The following BBS9 variants were observed in gnomAD, a reference collection of about 807,000 sequenced individuals.
BBS9 encodes the protein protein PTHB1.
BBS9 carries 89 observed loss-of-function variants against 117.7 expected under a neutral mutation model. The ratio of observed to expected loss-of-function variants is 0.76; its 90% CI spans 0.64 to 0.90. BBS9 has a LOEUF of 0.90. Ranked by LOEUF, BBS9 falls within the 40% of genes least tolerant of loss-of-function variation. BBS9 has a pLI of 0.00. For synonymous variants in BBS9, 379 were observed against 370.9 expected, an observed-to-expected ratio of 1.02 and a Z score of -0.25; for missense variants, 982 against 1,042.2, an observed-to-expected ratio of 0.94 and a Z score of 0.80.
At chr7:33,378,362 T>C (rs1824294688) in intron 17 of BBS9, among the ~76,000 whole-genome samples, 1 of 152,218 alleles carries the variant, frequency 6.6e-6, no homozygotes, top group Non-Finnish European at 1.5e-5. Flanking sequence ...CCTTGAGTCT[T>C]ATTTAAACTA....
At chr7:33,332,699 CAACAACAACAAA>C (rs1814377127) in intron 9 of BBS9, among the ~76,000 whole-genome samples, 1 of 151,818 alleles carries the variant, frequency 6.6e-6, no homozygotes, top group Middle Eastern at 3.2e-3. Flanking sequence ...ACAACAACAA[CAACAACAACAAA>C]AACAAAAAAG....
intron 21 of BBS9, among the ~76,000 whole-genome samples, chr7:33,634,440 T>C (rs143541903): frequency 1.3e-5 from 2 of 152,336 alleles, no homozygotes; most frequent in Admixed American, 1.3e-4. Context: ...ATAATGCCTA[T>C]TCACGTGGTT....
intron 19 of BBS9, among the ~76,000 whole-genome samples, chr7:33,399,692 A>G (rs750344404): frequency 6.6e-5 from 10 of 152,198 alleles, no homozygotes; most frequent in Non-Finnish European, 1.5e-4. Context: ...GGGATCATCT[A>G]GTGCCAGCTC....
chr7:33,356,043 T>A (rs1819559318), intron 15 of BBS9, among the ~76,000 whole-genome samples: 1 of 151,868 alleles, frequency 6.6e-6, no homozygotes, highest in Admixed American at 6.6e-5. Context: ...TAGTTTCTTT[T>A]TGTGCCTGTA....
At chr7:33,570,820 C>T (rs1156683573) in intron 21 of BBS9, among the ~76,000 whole-genome samples, 1 of 152,170 alleles carries the variant, frequency 6.6e-6, no homozygotes, top group African/African-American at 2.4e-5. Context: ...TATGATGAAG[C>T]ACCAGACAAC....
At chr7:33,554,657 A>G (rs529299262) in intron 21 of BBS9, among the ~76,000 whole-genome samples, 55 of 152,100 alleles carry the variant, frequency 3.6e-4, no homozygotes, top group Non-Finnish European at 5.7e-4. Context: ...TCCATTTGAG[A>G]GGCCTAGTTG....
At chr7:33,426,689 T>A (rs918356289) in intron 19 of BBS9, among the ~76,000 whole-genome samples, 2 of 152,208 alleles carry the variant, frequency 1.3e-5, no homozygotes, top group East Asian at 1.9e-4. Flanking sequence ...CGGAGTTTTT[T>A]AAAAAACTAT....
chr7:33,594,116 G>A (rs1225092937), intron 21 of BBS9, among the ~76,000 whole-genome samples: 2 of 152,154 alleles, frequency 1.3e-5, no homozygotes, highest in Non-Finnish European at 1.5e-5. Flanking sequence ...AAGGGACTTA[G>A]TGTTCAGCCT....
intron 20 of BBS9, among the ~76,000 whole-genome samples, chr7:33,512,920 G>T (rs1217380029): frequency 6.6e-6 from 1 of 152,122 alleles, no homozygotes; most frequent in Non-Finnish European, 1.5e-5. Context: ...ATCCGAAGTA[G>T]CCTTTTTGCC....
At position 33,170,473 on chromosome 7, in the gene BBS9, A is replaced by G. The variant is rs1255439354; in HGVS notation, c.329-7005A>G. Among the ~76,000 whole-genome samples, 21 of 145,184 alleles carry G rather than the reference A, an allele frequency of 1.4e-4. No individual in the cohort carries two copies. In the East Asian group the frequency reaches 3.6e-3, roughly 25 times the overall value. On this transcript the variant is annotated intron_variant, in intron 4 of 22. Transcript: ENST00000242067. ...TATTTCAAAATAATAAGAGCTATCT[A>G]TGACAAACCCACAGCCAATATCATA...
intron 9 of BBS9, among the ~76,000 whole-genome samples, chr7:33,315,381 A>G (rs1231793731): frequency 6.6e-6 from 1 of 152,148 alleles, no homozygotes; most frequent in East Asian, 1.9e-4. Flanking sequence ...GTCTCTTACA[A>G]GGATACACAT....
At position 33,257,406 on chromosome 7, in the gene BBS9, T is replaced by C; in HGVS notation, c.613T>C (p.Tyr205His). 6.2e-7 allele frequency: 1 copy of C among 1,613,714 alleles called. No individual in the cohort carries two copies. The highest frequency in any genetic ancestry group is 1.1e-5 in the South Asian group (1 of 91,064). ...TVSSCQQVES[Y>H]KYQVLAFATD... The stretch of plus-strand genomic sequence containing the variant: ...CTCTTCCTGCCAACAAGTGGAAAGT[T>C]ATAAGTAAGTTTGGATGTTAAGTCT... Residue 205 changes from tyrosine to histidine, a missense_variant, in exon 6 of 23, where the codon TAT becomes CAT. Physicochemically the swap from Tyr to His is moderately conservative, Grantham distance 83. Coordinates refer to ENST00000242067, the MANE Select transcript of BBS9 (RefSeq NM_198428.3).
At chr7:33,541,297 C>G (rs1852256248) in intron 21 of BBS9, among the ~76,000 whole-genome samples, 1 of 152,138 alleles carries the variant, frequency 6.6e-6, no homozygotes, top group Non-Finnish European at 1.5e-5. Flanking sequence ...CTCTGTTTCT[C>G]TTACTCTCCA....
Position 33,505,846 on chromosome 7 carries a change from T to C in BBS9, c.2298+201T>C, listed in dbSNP as rs1846079695. On this transcript the variant is annotated intron_variant, in intron 20 of 22. Coordinates refer to ENST00000242067, the MANE Select transcript of BBS9 (RefSeq NM_198428.3). ...TCTGTAGAGCTATTTTAAGAATAGG[T>C]ATATAGTCAATTTTTATGTGGTCCA... 3.3e-6 allele frequency: 2 copies of C among 597,300 alleles called. 1 individual carries two copies. The highest frequency in any genetic ancestry group is 4.0e-5 in the South Asian group (2 of 49,562). The allele number at this position is 597,300 out of a possible 1,614,324, so 37.0% of individuals were successfully genotyped here.
intron 21 of BBS9, among the ~76,000 whole-genome samples, chr7:33,619,481 C>T (rs137941472): frequency 6.6e-6 from 1 of 151,994 alleles, no homozygotes. Context: ...AAACAGCTGA[C>T]CTGAACAAAA....
At position 33,516,487 on chromosome 7, in the gene BBS9, CA is replaced by C. The variant is rs61006845; in HGVS notation, c.2298+10866del. Among the ~76,000 whole-genome samples, 386 of 51,510 alleles carry C rather than the reference CA, an allele frequency of 7.5e-3. 1 individual carries two copies. The highest frequency in any genetic ancestry group is 0.052 in the Middle Eastern group (3 of 58). The allele number at this position is 51,510 out of a possible 152,430, so 33.8% of individuals were successfully genotyped here. A position where few individuals can be genotyped will look rare whatever the true frequency, so the allele number is the denominator to read the frequency against. On this transcript the variant is annotated intron_variant, in intron 20 of 22. Coordinates refer to ENST00000242067, the MANE Select transcript of BBS9 (RefSeq NM_198428.3). Reference sequence around the variant, plus strand: ...CTGGGCAGCAGAGCAATTTCATCTCCAAAAAAAAAAAAAAAAAAAAAAAAGA... The same window carrying C: ...CTGGGCAGCAGAGCAATTTCATCTCCAAAAAAAAAAAAAAAAAAAAAAAGA...
At chr7:33,559,112 C>T (rs1180815661) in intron 21 of BBS9, among the ~76,000 whole-genome samples, 1 of 152,112 alleles carries the variant, frequency 6.6e-6, no homozygotes, top group East Asian at 1.9e-4. Flanking sequence ...TAATGGTGCT[C>T]CCTGCTTTTG....
chr7:33,152,930 A>G, intron 3 of BBS9, 79 bp downstream of exon 3: 1 of 1,452,358 alleles, frequency 6.9e-7, no homozygotes, highest in Non-Finnish European at 9.6e-7. Context: ...TATTCTTCAA[A>G]GAAGACTATC....
chr7:33,297,416 A>C (rs1276637955), intron 9 of BBS9, among the ~76,000 whole-genome samples: 2 of 152,164 alleles, frequency 1.3e-5, no homozygotes, highest in African/African-American at 4.8e-5. Context: ...GCATTTCTCT[A>C]AGAAATTGTA....
Sources: gnomAD v4.1 joint callset for allele counts (sites outside exome capture counted in the v4.1 genomes callset) on GRCh38, gnomAD v4.1.1 for gene constraint, MANE v1.5 for transcripts, NCBI Gene and HGNC (gene_info 2026-07-23, HGNC 2026-07-21) for gene names.